Variants in DAB1 observed in about 807,000 individuals in gnomAD.
DAB1 encodes the protein DAB adaptor protein 1.
DAB1 carries 15 observed loss-of-function variants against 64.6 expected under a neutral mutation model. The ratio of observed to expected loss-of-function variants is 0.23; its 90% CI spans 0.16 to 0.36. The LOEUF is 0.36. Ranked by LOEUF, DAB1 falls within the 10% of genes least tolerant of loss-of-function variation. DAB1 has a pLI of 1.00. For missense variants in DAB1, 596 were observed against 706.7 expected (o/e 0.84, Z 1.78); for synonymous variants, 235 against 251.9 (o/e 0.93, Z 0.64).
chr1:57,566,665 A>G (rs2101522015), intron 7 of DAB1, among the ~76,000 whole-genome samples: 1 of 152,356 alleles, frequency 6.6e-6, no homozygotes, highest in East Asian at 1.9e-4. Flanking sequence ...CAAATAAACT[A>G]GAAAATCTAG....
At chr1:57,621,933 G>C (rs995559237) in intron 7 of DAB1, among the ~76,000 whole-genome samples, 24 of 152,188 alleles carry the variant, frequency 1.6e-4, no homozygotes, top group Admixed American at 1.5e-3. Context: ...CACAGACATA[G>C]AGCAAGGCAT....
In DAB1 at chr1:58,384,058, G is replaced by GT. The variant is rs534036894; in HGVS notation, n.258-40656dup. ...CCAACACTTGTTATCTTTTGTTGTT[G>GT]TTTTTTTTTTTATAGTAGCCATTGA... On this transcript the variant is annotated intron_variant and non_coding_transcript_variant, in intron 3 of 20. Coordinates refer to the DAB1 transcript ENST00000485760. Among the ~76,000 whole-genome samples the GT allele has an allele frequency of 8.3e-3, 1,187 of 143,094 alleles. 11 individuals are homozygous for GT. The highest frequency in any genetic ancestry group is 0.027 in the African/African-American group (1,055 of 39,494). The allele number at this position is 143,094 out of a possible 152,430, so 93.9% of individuals were successfully genotyped here.
rs539284813 is a variant in DAB1 at position 57,817,301 on chromosome 1, C to A, written n.551+66698G>T. Among the ~76,000 whole-genome samples, 176 of 152,300 alleles carry A rather than the reference C, an allele frequency of 1.2e-3. 1 individual carries two copies. The highest frequency in any genetic ancestry group is 4.1e-3 in the African/African-American group (170 of 41,568). ...CCAAAGCATTGGTAATGTGGAGGTT[C>A]CTTCCTGGACCAACTGCATAAAAGG... is the stretch of plus-strand genomic sequence containing the variant. On this transcript the variant is annotated intron_variant and non_coding_transcript_variant, in intron 6 of 20. Transcript: ENST00000485760.
chr1:58,481,616 T>C (rs763575163), intron 3 of DAB1, among the ~76,000 whole-genome samples: 17 of 152,094 alleles, frequency 1.1e-4, no homozygotes, highest in African/African-American at 2.7e-4. Flanking sequence ...TTGGGTAAAA[T>C]TGATGATAAT....
At chr1:57,340,262 A>G (rs1277986392) in intron 1 of DAB1, among the ~76,000 whole-genome samples, 1 of 152,230 alleles carries the variant, frequency 6.6e-6, no homozygotes, top group Non-Finnish European at 1.5e-5. Flanking sequence ...TGGAAATCCT[A>G]ATACAGAACT....
At chr1:57,107,888 G>A (rs1453449035) in intron 4 of DAB1, among the ~76,000 whole-genome samples, 1 of 152,122 alleles carries the variant, frequency 6.6e-6, no homozygotes, top group East Asian at 1.9e-4. Context: ...AGGCAACTGA[G>A]CCTTGTGCAT....
chr1:57,760,621 C>CTTTT (rs1649037765), intron 6 of DAB1, among the ~76,000 whole-genome samples: 1 of 47,474 alleles, frequency 2.1e-5, no homozygotes, highest in African/African-American at 8.9e-5. Flanking sequence ...CTCTCTCTCT[C>CTTTT]ACACACACAC....
intron 3 of DAB1, among the ~76,000 whole-genome samples, chr1:58,458,821 A>G (rs2100307374): frequency 6.6e-6 from 1 of 150,566 alleles, no homozygotes; most frequent in East Asian, 1.9e-4. Flanking sequence ...TCTCAAACAA[A>G]CAAACAAACA....
At chr1:58,050,079 G>A (rs1647540332) in intron 5 of DAB1, among the ~76,000 whole-genome samples, 1 of 152,138 alleles carries the variant, frequency 6.6e-6, no homozygotes, top group Admixed American at 6.5e-5. Context: ...GAAGTGTAGA[G>A]GGTGTATAAG....
At chr1:58,537,661 C>G (rs187774074) in intron 1 of DAB1, among the ~76,000 whole-genome samples, 1 of 152,162 alleles carries the variant, frequency 6.6e-6, no homozygotes, top group Non-Finnish European at 1.5e-5. Context: ...ACCATATATA[C>G]ATCATTCTCT....
intron 3 of DAB1, among the ~76,000 whole-genome samples, chr1:58,392,678 A>T (rs72914339): frequency 2.0e-5 from 3 of 152,192 alleles, no homozygotes; most frequent in Non-Finnish European, 4.4e-5. Context: ...AATGTGGGGG[A>T]AACATGAGCT....
intron 4 of DAB1, among the ~76,000 whole-genome samples, chr1:57,130,632 A>C (rs2100779791): frequency 6.7e-6 from 1 of 148,350 alleles, no homozygotes; most frequent in South Asian, 2.2e-4. Flanking sequence ...GGGGGATATT[A>C]TGTTAAGTGA....
In DAB1 at chr1:57,665,322, G is replaced by C. The variant is rs189227568; in HGVS notation, n.552-15657C>G. On this transcript the variant is annotated intron_variant and non_coding_transcript_variant, in intron 6 of 20. Transcript: ENST00000485760. ...TTTTAAAACCTATTAAGTTAGCATA[G>C]TTTAAATAAAAAGGGACAACTACTT... 4.4e-4 allele frequency among the ~76,000 whole-genome samples: 67 copies of C among 152,190 alleles called. No individual in the cohort carries two copies. The East Asian group carries it at 0.011, about 25-fold the overall frequency.
At position 57,271,763 on chromosome 1, in the gene DAB1, G is replaced by C. The variant is rs138703089; in HGVS notation, c.67+19201C>G. Among the ~76,000 whole-genome samples, 152 of 152,298 alleles carry C rather than the reference G, an allele frequency of 1.0e-3. 1 individual carries two copies. The highest frequency in any genetic ancestry group is 2.7e-3 in the African/African-American group (113 of 41,564). On this transcript the variant is annotated intron_variant, in intron 2 of 14. Transcript: ENST00000371236. ...GTGCCATCTAGGCTGATTTTTGTTT[G>C]GTAGTTGTACCTGTTCAGTACGTGC...
chr1:57,320,165 G>A (rs1157465704), intron 1 of DAB1, among the ~76,000 whole-genome samples: 1 of 152,152 alleles, frequency 6.6e-6, no homozygotes, highest in Non-Finnish European at 1.5e-5. Context: ...AGTGGGAGAG[G>A]ACTGTATTAT....
chr1:57,409,368 A>G (rs764682357), intron 1 of DAB1, among the ~76,000 whole-genome samples: 2 of 152,216 alleles, frequency 1.3e-5, no homozygotes, highest in Non-Finnish European at 2.9e-5. Context: ...TCACAGATAC[A>G]GGGCATGTCA....
At chr1:57,156,592 G>C (rs1431933862) in intron 2 of DAB1, among the ~76,000 whole-genome samples, 2 of 151,960 alleles carry the variant, frequency 1.3e-5, no homozygotes, top group Non-Finnish European at 2.9e-5. Context: ...GGCATCTAAG[G>C]GGTTATTAAA....
At chr1:57,170,277 GTGT>G (rs1661619893) in intron 2 of DAB1, among the ~76,000 whole-genome samples, 1 of 152,048 alleles carries the variant, frequency 6.6e-6, no homozygotes, top group African/African-American at 2.4e-5. Context: ...GGGATTACAG[GTGT>G]GAGCCACCAT....
chr1:57,364,588 G>A (rs1679817469), intron 1 of DAB1, among the ~76,000 whole-genome samples: 1 of 151,424 alleles, frequency 6.6e-6, no homozygotes, highest in Non-Finnish European at 1.5e-5. Context: ...ATATAATAAG[G>A]GATAGAAGAA....
Sources: gnomAD v4.1 joint callset for allele counts (sites outside exome capture counted in the v4.1 genomes callset) on GRCh38, gnomAD v4.1.1 for gene constraint, MANE v1.5 for transcripts, NCBI Gene and HGNC (gene_info 2026-07-23, HGNC 2026-07-21) for gene names.